Variants in ROR1 observed in about 807,000 individuals in gnomAD.
ROR1 encodes ROR family WNT receptor 1, also known as inactive tyrosine-protein kinase transmembrane receptor ROR1.
Under a neutral mutation model 78.8 loss-of-function variants are expected in ROR1, and 19 were observed. The ratio of observed to expected loss-of-function variants is 0.24; its 90% CI spans 0.17 to 0.35. The LOEUF (loss-of-function observed/expected upper bound fraction) is 0.35, where lower values mean the gene tolerates loss of function less well. Among genes scored for constraint, ROR1 ranks in the 10% least tolerant of loss-of-function variants. ROR1 has a pLI of 1.00. For synonymous variants in ROR1, 386 were observed against 433.6 expected, an observed-to-expected ratio of 0.89 and a Z score of 1.36; for missense variants, 917 against 1,177.8, an observed-to-expected ratio of 0.78 and a Z score of 3.24.
At chr1:63,854,247 G>T (rs1347716853) in intron 1 of ROR1, among the ~76,000 whole-genome samples, 2 of 152,044 alleles carry the variant, frequency 1.3e-5, no homozygotes, top group Non-Finnish European at 2.9e-5. Context: ...TCTATTTAAG[G>T]CATTCTTCAG....
intron 1 of ROR1, among the ~76,000 whole-genome samples, chr1:63,922,187 G>A (rs931631290): frequency 2.0e-5 from 3 of 152,176 alleles, no homozygotes; most frequent in Non-Finnish European, 4.4e-5. Context: ...GAGTGGAAGT[G>A]AGGGACATAA....
intron 2 of ROR1, among the ~76,000 whole-genome samples, chr1:64,015,298 T>TGGTTTTCCTAGCC (rs1269451413): frequency 6.6e-6 from 1 of 152,160 alleles, no homozygotes; most frequent in African/African-American, 2.4e-5. Flanking sequence ...CCATATCAAT[T>TGGTTTTCCTAGCC]ACCTAAGGTG....
At chr1:63,820,347 G>A (rs1008853452) in intron 1 of ROR1, among the ~76,000 whole-genome samples, 4 of 152,160 alleles carry the variant, frequency 2.6e-5, no homozygotes, top group Non-Finnish European at 5.9e-5. Flanking sequence ...TACTGCTGCA[G>A]GCCACAAAGA....
intron 1 of ROR1, among the ~76,000 whole-genome samples, chr1:63,864,975 A>C (rs977400420): frequency 3.3e-5 from 5 of 151,432 alleles, no homozygotes; most frequent in Non-Finnish European, 7.4e-5. Context: ...TTTAACTTTT[A>C]TGAATGTTTT....
chr1:63,811,557 C>T (rs1644860115), intron 1 of ROR1, among the ~76,000 whole-genome samples: 1 of 152,142 alleles, frequency 6.6e-6, no homozygotes, highest in Admixed American at 6.6e-5. Context: ...AGGGAAACCC[C>T]TCACTCCATC....
chr1:64,093,861 G>A (rs1009880422), intron 4 of ROR1, among the ~76,000 whole-genome samples: 3 of 152,150 alleles, frequency 2.0e-5, no homozygotes, highest in Admixed American at 6.6e-5. Context: ...AAAAAATTAT[G>A]TACCAGTGTG....
chr1:64,043,320 A>C (rs1646759255), intron 2 of ROR1, among the ~76,000 whole-genome samples: 1 of 152,252 alleles, frequency 6.6e-6, no homozygotes, highest in Non-Finnish European at 1.5e-5. Flanking sequence ...CCTTCCATTT[A>C]CTTCATCAAC....
rs776502142 is a variant in ROR1, at chr1:63,879,358, G to A, written c.91+104850G>A. 7.9e-5 allele frequency among the ~76,000 whole-genome samples: 12 copies of A among 152,286 alleles called. 1 individual carries two copies. Among genetic ancestry groups the A allele is most frequent in the Admixed American group, 2.0e-4 (3 of 15,292 alleles). On this transcript the variant is annotated intron_variant, in intron 1 of 8. Transcript: ENST00000371079. ...GTAGTTTGCCGAAGGGACAGAGTTT[G>A]TGAGAGGGAGTGAGTTGAGATGAGG... is the stretch of plus-strand genomic sequence containing the variant.
chr1:63,948,112 G>A (rs1018660459), intron 1 of ROR1, among the ~76,000 whole-genome samples: 1 of 152,122 alleles, frequency 6.6e-6, no homozygotes, highest in Admixed American at 6.5e-5. Flanking sequence ...AGTTACTGAC[G>A]TGGAATTTAA....
At position 64,002,000 on chromosome 1, in the gene ROR1, G is replaced by A. The variant is rs1434767192; in HGVS notation, c.92-7305G>A. 3.3e-5 allele frequency among the ~76,000 whole-genome samples: 5 copies of A among 152,052 alleles called. No individual in the cohort carries two copies. The East Asian group carries it at 9.6e-4, about 29-fold the overall frequency. ...CGTTGTGGTGGGGGTGGTGGCTAGG[G>A]GACAGGGAGGCTGTTTTTGTCAGGT... On this transcript the variant is annotated intron_variant, in intron 1 of 8. Transcript: ENST00000371079.
intron 1 of ROR1, among the ~76,000 whole-genome samples, chr1:63,894,848 A>T (rs554267504): frequency 6.6e-6 from 1 of 152,212 alleles, no homozygotes; most frequent in African/African-American, 2.4e-5. Flanking sequence ...AAAAGGTCAA[A>T]ACCCTTTCTT....
intron 1 of ROR1, among the ~76,000 whole-genome samples, chr1:63,968,592 C>T (rs2100494132): frequency 6.6e-6 from 1 of 152,250 alleles, no homozygotes; most frequent in East Asian, 1.9e-4. Context: ...GGTTTCTTCA[C>T]TGCGTGGGAA....
chr1:64,122,834 T>C (rs1436206645), intron 4 of ROR1, among the ~76,000 whole-genome samples: 1 of 152,216 alleles, frequency 6.6e-6, no homozygotes, highest in Non-Finnish European at 1.5e-5. Flanking sequence ...GTCTTTTTGC[T>C]TTTAATGAAT....
chr1:64,116,889 G>A (rs1214331427), intron 4 of ROR1, among the ~76,000 whole-genome samples: 2 of 152,056 alleles, frequency 1.3e-5, no homozygotes, highest in Non-Finnish European at 2.9e-5. Flanking sequence ...CATGGTATAT[G>A]ATTTAACACA....
At chr1:63,784,144 G>A (rs1303567449) in intron 1 of ROR1, among the ~76,000 whole-genome samples, 1 of 152,030 alleles carries the variant, frequency 6.6e-6, no homozygotes, top group Non-Finnish European at 1.5e-5. Context: ...GGGCTTTGCA[G>A]CTTACAAAAT....
intron 1 of ROR1, among the ~76,000 whole-genome samples, chr1:63,899,571 G>T (rs1448916343): frequency 6.6e-6 from 1 of 152,064 alleles, no homozygotes; most frequent in East Asian, 1.9e-4. Context: ...TTAAGCCCAA[G>T]CCTCTTTTCA....
At chr1:63,797,673 T>C (rs1266455286) in intron 1 of ROR1, among the ~76,000 whole-genome samples, 1 of 152,196 alleles carries the variant, frequency 6.6e-6, no homozygotes, top group Non-Finnish European at 1.5e-5. Flanking sequence ...CGGTTTTGAA[T>C]ATTGTATCTC....
chr1:63,781,373 G>A (rs537727315), intron 1 of ROR1, among the ~76,000 whole-genome samples: 49 of 152,274 alleles, frequency 3.2e-4, no homozygotes, highest in Non-Finnish European at 4.7e-4. Flanking sequence ...AGAAAATCGA[G>A]GCTCAGGAAG....
chr1:63,834,188 G>C (rs1220961116), intron 1 of ROR1, among the ~76,000 whole-genome samples: 2 of 151,578 alleles, frequency 1.3e-5, no homozygotes, highest in Admixed American at 1.3e-4. Context: ...AGAAGCCTCC[G>C]GAAGCATGGG....
Sources: allele counts gnomAD v4.1 joint callset (sites outside exome capture counted in the v4.1 genomes callset), GRCh38; gene constraint gnomAD v4.1.1; transcripts MANE v1.5; gene names NCBI Gene and HGNC (gene_info 2026-07-23, HGNC 2026-07-21).